NKD2: variants seen among roughly 807,000 people sequenced by gnomAD.
NKD2 encodes protein naked cuticle homolog 2.
A neutral mutation model predicts 34.8 loss-of-function variants in NKD2; 43 were observed. The observed-to-expected ratio is 1.24, with a 90% CI of 0.97 to 1.60. The LOEUF (loss-of-function observed/expected upper bound fraction) is 1.60. NKD2 is among the 40% of genes most tolerant of loss of function. The pLI is 0.00. For missense variants in NKD2, 675 were observed against 627.1 expected (o/e 1.08, Z -0.82); for synonymous variants, 278 against 265.1 (o/e 1.05, Z -0.47).
In NKD2 at chr5:1,009,261, C is replaced by G. The variant is rs1285465882; in HGVS notation, c.61+47C>G. 5 of 486,158 alleles carry G rather than the reference C, an allele frequency of 1.0e-5. No homozygotes were observed. The highest frequency in any genetic ancestry group is 1.4e-5 in the Non-Finnish European group (4 of 280,244). 30.1% of individuals were successfully genotyped at this position (486,158 alleles called of 1,614,324 possible). On this transcript the variant is annotated intron_variant, in intron 2 of 9. Transcript: ENST00000296849. This position sits in a 1 kb window ranked among gnomAD's most constrained non-coding sequence, Gnocchi z 6.9. ...CGGGGCGGGGGGCGGCGACCCGGCCCGGGACCCTCAGAGCTAGGAGCCCGC... is the reference window on the plus strand; with the variant it reads ...CGGGGCGGGGGGCGGCGACCCGGCCGGGGACCCTCAGAGCTAGGAGCCCGC...
intron 9 of NKD2, 96 bp downstream of exon 9, chr5:1,036,480 C>A: frequency 1.1e-6 from 1 of 896,948 alleles, no homozygotes; most frequent in Non-Finnish European, 1.7e-6. Context: ...GGGCCCCTCC[C>A]TGCCCTGCCC....
intron 4 of NKD2, 62 bp from the exon 5 acceptor site, chr5:1,033,310 A>T (rs10462579): frequency 1.3e-6 from 2 of 1,482,580 alleles, no homozygotes; most frequent in African/African-American, 2.8e-5. Context: ...AGGGTCCCCA[A>T]TGGCGGGCCA....
Position 1,037,962 on chromosome 5 carries a change from G to C in NKD2, c.945G>C (p.Arg315=). ...HVVPASEPAA[R]ALDTQPRPKG... Reference sequence around the variant, plus strand: ...TGCCAGCCTCGGAGCCTGCTGCCCGGGCCCTGGACACGCAGCCCCGGCCGA... The same window carrying C: ...TGCCAGCCTCGGAGCCTGCTGCCCGCGCCCTGGACACGCAGCCCCGGCCGA... The change falls in exon 10 of 10, where the codon CGG becomes CGC. Residue 315 remains arginine, a synonymous_variant. Coordinates refer to ENST00000296849, the MANE Select transcript of NKD2 (RefSeq NM_033120.4). The C allele has an allele frequency of 6.2e-7, 1 of 1,605,902 alleles. No homozygotes were observed. The highest frequency in any genetic ancestry group is 8.5e-7 in the Non-Finnish European group (1 of 1,178,052).
intron 8 of NKD2, 123 bp from the exon 9 acceptor site, chr5:1,036,134 C>G: frequency 7.3e-7 from 1 of 1,370,432 alleles, no homozygotes. Flanking sequence ...TCCTGCTCTG[C>G]GAGGAGGTGG....
chr5:1,036,492 G>GCCCCCCCC (rs1342239961), intron 9 of NKD2, 108 bp downstream of exon 9: 5 of 413,828 alleles, frequency 1.2e-5, no homozygotes, highest in Non-Finnish European at 1.1e-5. Flanking sequence ...GCCCTGCCCC[G>GCCCCCCCC]CCCCCCCCCA....
chr5:1,026,511 C>T (rs1756410564), intron 3 of NKD2, among the ~76,000 whole-genome samples: 2 of 124,088 alleles, frequency 1.6e-5, no homozygotes, highest in African/African-American at 2.9e-5. Context: ...ATTGTCCCTG[C>T]TCTTCCCACC....
chr5:1,029,718 A>G lies in NKD2; in HGVS notation c.142-2434A>G, dbSNP rs1312726964. Among the ~76,000 whole-genome samples the G allele has an allele frequency of 2.0e-5, 3 of 152,228 alleles. No homozygotes were observed. The East Asian group carries it at 5.8e-4, about 29-fold the overall frequency. ...CCTTAAAAAATACTCCACCCCGTCC[A>G]ACCCGTCGCCCGCTGCCTGTCCTCA... is the stretch of plus-strand genomic sequence containing the variant. On this transcript the variant is annotated intron_variant, in intron 3 of 9. Coordinates refer to ENST00000296849, the MANE Select transcript of NKD2 (RefSeq NM_033120.4).
Position 1,038,331 on chromosome 5 carries a change from GCACCACCACCACCAC to G in NKD2, c.1327_1341del (p.His443_His447del), listed in dbSNP as rs3840989. On this transcript the variant is annotated inframe_deletion, in exon 10 of 10. Coordinates refer to ENST00000296849, the MANE Select transcript of NKD2 (RefSeq NM_033120.4). This position sits in a 1 kb window ranked among gnomAD's most constrained non-coding sequence, Gnocchi z 4.5. ...GGCACGAGCACCACCACCACCACGA[GCACCACCACCACCAC>G]CACCACCACCACTTCCACCCGTCCT... 4.1e-5 allele frequency: 63 copies of G among 1,528,454 alleles called. No individual in the cohort carries two copies. Among genetic ancestry groups the G allele is most frequent in the Middle Eastern group, 1.9e-4 (1 of 5,156 alleles). 94.7% of individuals were successfully genotyped at this position (1,528,454 alleles called of 1,614,324 possible). A position where few individuals can be genotyped will look rare whatever the true frequency, so the allele number is the denominator to read the frequency against.
intron 8 of NKD2, 186 bp from the exon 9 acceptor site, chr5:1,036,071 C>T: frequency 7.6e-7 from 1 of 1,313,908 alleles, no homozygotes; most frequent in East Asian, 2.8e-5. Context: ...TCGGCTGTGA[C>T]CTTGTTTCTC....
rs1354150053 is a variant in NKD2 at position 1,009,177 on chromosome 5, AGCC to A, written c.34_36del (p.Ala12del). 6.4e-5 allele frequency: 35 copies of A among 549,656 alleles called. No homozygotes were observed. The highest frequency in any genetic ancestry group is 2.5e-4 in the South Asian group (12 of 47,510). The allele number at this position is 549,656 out of a possible 1,614,324, so 34.0% of individuals were successfully genotyped here. A position where few individuals can be genotyped will look rare whatever the true frequency, so the allele number is the denominator to read the frequency against. ...CTCTCCCCGCGTCCCGCCGTGCCGC[AGCC>A]GCCGCCGCCCGCAAGCGGAGAGAGA... On this transcript the variant is annotated splice_acceptor_variant and coding_sequence_variant, in exon 2 of 10. Transcript: ENST00000296849. LOFTEE classifies it high-confidence loss of function. The surrounding 1 kb of genome is among the most constrained non-coding windows in gnomAD (Gnocchi z 6.9).
intron 3 of NKD2, among the ~76,000 whole-genome samples, chr5:1,015,457 T>C (rs780955761): frequency 5.9e-5 from 9 of 152,218 alleles, no homozygotes; most frequent in Non-Finnish European, 1.5e-5. Flanking sequence ...TACCCCAGAA[T>C]TTGTAGACAG....
At position 1,032,178 on chromosome 5, in the gene NKD2, G is replaced by C; in HGVS notation, c.168G>C (p.Glu56Asp). Reference protein sequence around the residue: ...KQELPNGDPKEGPFREDQCPL... With the variant: ...KQELPNGDPKDGPFREDQCPL... Reference sequence around the variant, plus strand: ...AGCTGCCCAATGGGGACCCCAAGGAGGGGCCTTTCCGGGAGGACCAGTGTC... The same window carrying C: ...AGCTGCCCAATGGGGACCCCAAGGACGGGCCTTTCCGGGAGGACCAGTGTC... Residue 56 changes from glutamate to aspartate, a missense_variant, in exon 4 of 10, where the codon GAG becomes GAC. Transcript: ENST00000296849. 6.2e-7 allele frequency: 1 copy of C among 1,610,700 alleles called. No individual in the cohort carries two copies. The highest frequency in any genetic ancestry group is 1.7e-4 in the Middle Eastern group (1 of 6,042).
At chr5:1,037,509 G>A (rs558436893) in intron 9 of NKD2, 76 of 1,533,692 alleles carry the variant, frequency 5.0e-5, no homozygotes, top group South Asian at 2.5e-4. Flanking sequence ...CTGCCACGGC[G>A]CCCCAAGCAG....
Position 1,038,313 on chromosome 5 carries a change from G to GCACCACCACCACCAC in NKD2, c.1297_1311dup (p.His433_His437dup). On this transcript the variant is annotated inframe_insertion, in exon 10 of 10. Coordinates refer to ENST00000296849, the MANE Select transcript of NKD2 (RefSeq NM_033120.4). The surrounding 1 kb of genome is among the most constrained non-coding windows in gnomAD (Gnocchi z 4.5). Reference sequence around the variant, plus strand: ...CGGTGCCAGTGATCCAGCGGCACGAGCACCACCACCACCACGAGCACCACC... The same window carrying GCACCACCACCACCAC: ...CGGTGCCAGTGATCCAGCGGCACGAGCACCACCACCACCACCACCACCACCACCACGAGCACCACC... 6.5e-7 allele frequency: 1 copy of GCACCACCACCACCAC among 1,538,322 alleles called. No homozygotes were observed. Among genetic ancestry groups the GCACCACCACCACCAC allele is most frequent in the Non-Finnish European group, 8.7e-7 (1 of 1,148,240 alleles).
At chr5:1,034,624 G>C in intron 6 of NKD2, 132 bp from the exon 7 acceptor site, 1 of 1,001,108 alleles carries the variant, frequency 1.0e-6, no homozygotes, top group East Asian at 2.5e-5. Context: ...TGCCTGTGTT[G>C]GTTCCTGTGG....
intron 3 of NKD2, among the ~76,000 whole-genome samples, chr5:1,010,390 CAG>C: frequency 6.6e-6 from 1 of 152,290 alleles, no homozygotes; most frequent in Admixed American, 6.5e-5. Context: ...TCCCCAGACA[CAG>C]AACATGCCGG....
chr5:1,035,576 C>G, intron 8 of NKD2, 103 bp downstream of exon 8: 1 of 890,106 alleles, frequency 1.1e-6, no homozygotes, highest in Non-Finnish European at 1.8e-6. Context: ...ACACCATCCT[C>G]TAGGTCAGAC....
chr5:1,016,078 G>A (rs532695847), intron 3 of NKD2, among the ~76,000 whole-genome samples: 1 of 152,360 alleles, frequency 6.6e-6, no homozygotes, highest in East Asian at 1.9e-4. Flanking sequence ...TGTGAGAGGG[G>A]TCTGCCCAGG....
chr5:1,036,502 AACCCC>A (rs1733948546), intron 9 of NKD2, 118 bp downstream of exon 9: 11 of 59,826 alleles, frequency 1.8e-4, no homozygotes, highest in Admixed American at 1.0e-3. Context: ...GCCCCCCCCC[AACCCC>A]CCCCACCCCA....
Sources: allele counts gnomAD v4.1 joint callset (sites outside exome capture counted in the v4.1 genomes callset), GRCh38; gene constraint gnomAD v4.1.1; non-coding constraint Gnocchi (gnomAD v3.1); transcripts MANE v1.5; gene names NCBI Gene and HGNC (gene_info 2026-07-23, HGNC 2026-07-21).